Variants in ATE1 observed in about 807,000 individuals in gnomAD.
The protein encoded by ATE1 is arginyltransferase 1.
ATE1 carries 36 observed loss-of-function variants against 70.5 expected under a neutral mutation model. That is an observed-to-expected ratio of 0.51 (90% CI 0.39 to 0.67). The LOEUF is 0.67. Among genes scored for constraint, ATE1 ranks in the 30% least tolerant of loss-of-function variants. The probability of loss-of-function intolerance (pLI) is 0.00; values close to 1 mark genes in which losing one functional copy is unlikely to be tolerated. For missense variants in ATE1, 593 were observed against 629.5 expected, an observed-to-expected ratio of 0.94 and a Z score of 0.62; for synonymous variants, 232 against 219.3, an observed-to-expected ratio of 1.06 and a Z score of -0.51.
intron 11 of ATE1, among the ~76,000 whole-genome samples, chr10:121,770,374 C>T (rs1441115479): frequency 6.6e-6 from 1 of 151,880 alleles, no homozygotes; most frequent in Admixed American, 6.6e-5. Context: ...TAGGCTATAT[C>T]TTTGCAGTTT....
At chr10:121,805,184 G>C (rs951705204) in intron 10 of ATE1, among the ~76,000 whole-genome samples, 2 of 152,148 alleles carry the variant, frequency 1.3e-5, no homozygotes, top group African/African-American at 4.8e-5. Context: ...ATATCTAGCT[G>C]TAATTGTAGG....
In ATE1 at chr10:121,770,504, T is replaced by C. The variant is rs545017314; in HGVS notation, c.1378+19665A>G. ...GCGTTTTATGTACAAATTTAAAATA[T>C]TTTCAGGTTTCATTATGTCTCATGT... On this transcript the variant is annotated intron_variant, in intron 11 of 11. Coordinates refer to ENST00000224652, the MANE Select transcript of ATE1 (RefSeq NM_001001976.3). Among the ~76,000 whole-genome samples the C allele has an allele frequency of 3.3e-5, 5 of 152,280 alleles. No homozygotes were observed. In the East Asian group the frequency reaches 9.6e-4, roughly 29 times the overall value.
chr10:121,751,165 T>G (rs1262650397), intron 11 of ATE1, among the ~76,000 whole-genome samples: 1 of 152,250 alleles, frequency 6.6e-6, no homozygotes, highest in Non-Finnish European at 1.5e-5. Flanking sequence ...TCATATTCTA[T>G]AAAGTAATAC....
At chr10:121,747,339 T>C (rs1261217830) in intron 11 of ATE1, among the ~76,000 whole-genome samples, 1 of 152,220 alleles carries the variant, frequency 6.6e-6, no homozygotes, top group Non-Finnish European at 1.5e-5. Context: ...TGTTCTGCTC[T>C]GTATTGCAGG....
At chr10:121,925,676 C>T (rs1590747412) in intron 1 of ATE1, among the ~76,000 whole-genome samples, 1 of 151,958 alleles carries the variant, frequency 6.6e-6, no homozygotes, top group Middle Eastern at 3.4e-3. Context: ...GAGTTCAAGA[C>T]CAGCCTGTGC....
chr10:121,881,597 G>A (rs920300220), intron 7 of ATE1, among the ~76,000 whole-genome samples: 3 of 148,444 alleles, frequency 2.0e-5, no homozygotes, highest in African/African-American at 7.4e-5. Context: ...AGGATATAGT[G>A]CACAGTGATC....
chr10:121,895,021 C>T (rs185948160), intron 7 of ATE1, among the ~76,000 whole-genome samples: 25 of 152,264 alleles, frequency 1.6e-4, no homozygotes, highest in African/African-American at 5.3e-4. Flanking sequence ...CATAATGAGA[C>T]ACCACTTTAC....
chr10:121,807,374 C>G (rs1039304938), intron 10 of ATE1, among the ~76,000 whole-genome samples: 3 of 152,128 alleles, frequency 2.0e-5, no homozygotes, highest in African/African-American at 7.2e-5. Context: ...TTGTAAATCA[C>G]ATGGAAGAAC....
chr10:121,911,755 C>CT (rs34274038), intron 4 of ATE1, among the ~76,000 whole-genome samples: 301 of 129,484 alleles, frequency 2.3e-3, no homozygotes, highest in Middle Eastern at 4.3e-3. Context: ...AAGAAACAGA[C>CT]TTTTTTTTTT....
chr10:121,839,007 T>C (rs1461269970), intron 9 of ATE1, among the ~76,000 whole-genome samples: 1 of 152,192 alleles, frequency 6.6e-6, no homozygotes, highest in Non-Finnish European at 1.5e-5. Context: ...AATTAGCAAC[T>C]GGTAACCTAC....
At chr10:121,797,404 G>A (rs1946700449) in intron 10 of ATE1, among the ~76,000 whole-genome samples, 1 of 151,944 alleles carries the variant, frequency 6.6e-6, no homozygotes, top group African/African-American at 2.4e-5. Flanking sequence ...GTTTTCATAA[G>A]GTTGTACAAG....
chr10:121,828,773 C>G (rs1207947542), intron 10 of ATE1, among the ~76,000 whole-genome samples: 1 of 152,164 alleles, frequency 6.6e-6, no homozygotes, highest in East Asian at 1.9e-4. Flanking sequence ...TAAAGACAGA[C>G]ACATCATTTC....
At chr10:121,881,253 A>G (rs1353964423) in intron 7 of ATE1, among the ~76,000 whole-genome samples, 1 of 152,012 alleles carries the variant, frequency 6.6e-6, no homozygotes, top group Non-Finnish European at 1.5e-5. Context: ...CTGGGCTTCT[A>G]CTCCATTCCA....
At chr10:121,895,145 GA>G (rs965970558) in intron 7 of ATE1, among the ~76,000 whole-genome samples, 6 of 152,150 alleles carry the variant, frequency 3.9e-5, no homozygotes, top group African/African-American at 1.4e-4. Flanking sequence ...AATGGTAAAT[GA>G]TTTCACTCTC....
intron 10 of ATE1, among the ~76,000 whole-genome samples, chr10:121,834,934 C>T (rs1340180057): frequency 6.6e-6 from 1 of 151,976 alleles, no homozygotes; most frequent in Non-Finnish European, 1.5e-5. Flanking sequence ...ATAAGGACAG[C>T]CAGAGTTTTC....
In ATE1 at chr10:121,790,215, T is replaced by A. The variant is rs146262449; in HGVS notation, c.1332A>T (p.Ser444=). 179 of 1,614,034 alleles carry A rather than the reference T, an allele frequency of 1.1e-4. No individual in the cohort carries two copies. The African/African-American group carries it at 2.0e-3, about 18-fold the overall frequency. Residue 444 remains serine, a synonymous_variant, in exon 11 of 12, where the codon TCA becomes TCT. Transcript: ENST00000224652. ...VWVPIEQCLP[S]LENSKYCRFN... ...AACGGCAGTACTTGGAGTTTTCAAG[T>A]GAAGGCAGGCATTGCTCAATGGGTA... is the stretch of plus-strand genomic sequence containing the variant.
At chr10:121,916,005 G>T (rs1465995455) in intron 3 of ATE1, among the ~76,000 whole-genome samples, 2 of 151,784 alleles carry the variant, frequency 1.3e-5, no homozygotes, top group Non-Finnish European at 2.9e-5. Flanking sequence ...GGGAGGCCGA[G>T]GCGGGCAGAT....
chr10:121,917,190 G>A (rs183375244), intron 3 of ATE1, among the ~76,000 whole-genome samples: 2 of 152,118 alleles, frequency 1.3e-5, no homozygotes, highest in East Asian at 3.9e-4. Context: ...CAGGCTGACC[G>A]TGATGCTTCA....
intron 8 of ATE1, among the ~76,000 whole-genome samples, chr10:121,849,885 C>T (rs376457910): frequency 5.9e-5 from 9 of 152,106 alleles, no homozygotes; most frequent in African/African-American, 2.2e-4. Flanking sequence ...AAATTCAGTG[C>T]CTGCCCTCCA....
Sources: gnomAD v4.1 joint callset for allele counts (sites outside exome capture counted in the v4.1 genomes callset) on GRCh38, gnomAD v4.1.1 for gene constraint, MANE v1.5 for transcripts, NCBI Gene and HGNC (gene_info 2026-07-23, HGNC 2026-07-21) for gene names.